ERG: variants seen among roughly 807,000 people sequenced by gnomAD.
ERG encodes ETS transcription factor ERG.
A neutral mutation model predicts 55.3 loss-of-function variants in ERG; 9 were observed. That is an observed-to-expected ratio of 0.16 (90% CI 0.10 to 0.28). ERG has a LOEUF of 0.28. Among genes scored for constraint, ERG ranks in the 10% least tolerant of loss-of-function variants. The pLI is 1.00. For synonymous variants in ERG, 223 were observed against 237.3 expected (o/e 0.94, Z 0.55); for missense variants, 434 against 631.6 (o/e 0.69, Z 3.35).
At chr21:38,626,477 C>A (rs1439972130) in intron 1 of ERG, among the ~76,000 whole-genome samples, 1 of 152,096 alleles carries the variant, frequency 6.6e-6, no homozygotes, top group Non-Finnish European at 1.5e-5. Flanking sequence ...AAATAAGGTG[C>A]CGACCACTTC....
chr21:38,555,350 T>C (rs1321281559), intron 2 of ERG, among the ~76,000 whole-genome samples: 1 of 151,762 alleles, frequency 6.6e-6, no homozygotes, highest in Non-Finnish European at 1.5e-5. Flanking sequence ...TAAGAAACTA[T>C]ATATTGAAAG....
intron 1 of ERG, among the ~76,000 whole-genome samples, chr21:38,466,552 A>G (rs1029613477): frequency 6.6e-6 from 1 of 151,976 alleles, no homozygotes; most frequent in African/African-American, 2.4e-5. Context: ...TGGAAGATAT[A>G]CTCCCAAAGT....
intron 2 of ERG, among the ~76,000 whole-genome samples, chr21:38,512,486 T>C (rs999990354): frequency 6.6e-6 from 1 of 152,174 alleles, no homozygotes; most frequent in African/African-American, 2.4e-5. Context: ...TCAGTAACAG[T>C]AAAATATGAA....
At chr21:38,476,536 A>G (rs2059189543) in intron 1 of ERG, among the ~76,000 whole-genome samples, 1 of 152,196 alleles carries the variant, frequency 6.6e-6, no homozygotes, top group South Asian at 2.1e-4. Context: ...CCATGCAAAA[A>G]TCAGTTGAAG....
intron 1 of ERG, among the ~76,000 whole-genome samples, chr21:38,605,259 G>T (rs2060189755): frequency 6.6e-6 from 1 of 152,108 alleles, no homozygotes; most frequent in Non-Finnish European, 1.5e-5. Flanking sequence ...TTGTCACGGG[G>T]TCACAAAAAT....
At chr21:38,558,819 G>A (rs2059874405) in intron 2 of ERG, among the ~76,000 whole-genome samples, 3 of 152,170 alleles carry the variant, frequency 2.0e-5, no homozygotes, top group Non-Finnish European at 4.4e-5. Context: ...CCACATTTAA[G>A]AGAAATGGAG....
chr21:38,606,598 A>G (rs941988362), intron 1 of ERG, among the ~76,000 whole-genome samples: 1 of 152,220 alleles, frequency 6.6e-6, no homozygotes, highest in Admixed American at 6.5e-5. Flanking sequence ...AAACAAAAGC[A>G]TCTATAAAGT....
intron 2 of ERG, among the ~76,000 whole-genome samples, chr21:38,559,394 T>TTTC (rs2146832407): frequency 6.8e-6 from 1 of 147,184 alleles, no homozygotes; most frequent in African/African-American, 2.5e-5. Context: ...TTTTTTTTTT[T>TTTC]TTTTTTTTTT....
intron 1 of ERG, among the ~76,000 whole-genome samples, chr21:38,456,447 T>A (rs879884285): frequency 9.2e-5 from 14 of 152,248 alleles, no homozygotes; most frequent in South Asian, 6.2e-4. Context: ...TAAAAAAATT[T>A]AAAAAATAAA....
chr21:38,371,436 G>A, the ERG span, among the ~76,000 whole-genome samples: 3 of 151,808 alleles, frequency 2.0e-5, no homozygotes, highest in Non-Finnish European at 2.9e-5. Flanking sequence ...TGAATAGTAA[G>A]CATCTTTTTC....
At chr21:38,374,899 T>C in the ERG span, among the ~76,000 whole-genome samples, 2 of 152,178 alleles carry the variant, frequency 1.3e-5, no homozygotes, top group Non-Finnish European at 2.9e-5. Context: ...CTCCTGAAGA[T>C]TGTTTTCTGA....
chr21:38,368,133 T>C, the ERG span, among the ~76,000 whole-genome samples: 1 of 152,176 alleles, frequency 6.6e-6, no homozygotes, highest in Non-Finnish European at 1.5e-5. Flanking sequence ...ATTGCCAGGC[T>C]CTTAAAAGAT....
chr21:38,390,866 T>C lies in ERG; in HGVS notation c.919+129A>G, dbSNP rs2049180730. 6 of 718,566 alleles carry C rather than the reference T, an allele frequency of 8.3e-6. No individual in the cohort carries two copies. The Admixed American group carries it at 1.1e-4, about 14-fold the overall frequency. 44.5% of individuals were successfully genotyped at this position (718,566 alleles called of 1,614,324 possible). A position where few individuals can be genotyped will look rare whatever the true frequency, so the allele number is the denominator to read the frequency against. On this transcript the variant is annotated intron_variant, in intron 9 of 9. Coordinates refer to ENST00000288319, the MANE Select transcript of ERG (RefSeq NM_182918.4). ...CAACCCATCTTTCCATTAAGGCAAA[T>C]AATTCAGTGAGACCTAAAACTAAAA...
At chr21:38,610,526 C>A (rs464473) in intron 1 of ERG, among the ~76,000 whole-genome samples, 1 of 150,384 alleles carries the variant, frequency 6.6e-6, no homozygotes, top group Non-Finnish European at 1.5e-5. Flanking sequence ...CGCGCACGCG[C>A]GTGTGTGTGT....
intron 1 of ERG, among the ~76,000 whole-genome samples, chr21:38,640,742 G>T (rs1462790722): frequency 6.6e-6 from 1 of 152,052 alleles, no homozygotes; most frequent in Non-Finnish European, 1.5e-5. Flanking sequence ...ATCTTTATCA[G>T]CGGTGTGAAA....
intron 2 of ERG, among the ~76,000 whole-genome samples, chr21:38,557,323 T>C (rs772879351): frequency 1.3e-5 from 2 of 152,218 alleles, no homozygotes; most frequent in Non-Finnish European, 2.9e-5. Context: ...TATTTCCATA[T>C]TGAATTTCAA....
intron 2 of ERG, among the ~76,000 whole-genome samples, chr21:38,526,798 G>T (rs964659979): frequency 6.6e-6 from 1 of 151,984 alleles, no homozygotes; most frequent in Non-Finnish European, 1.5e-5. Context: ...AAAATAAAAT[G>T]AATAAAATAC....
chr21:38,411,915 T>C (rs999887314), intron 3 of ERG, among the ~76,000 whole-genome samples: 1 of 152,254 alleles, frequency 6.6e-6, no homozygotes, highest in African/African-American at 2.4e-5. Context: ...ATATTTGTCA[T>C]GAATTTAGCC....
intron 2 of ERG, among the ~76,000 whole-genome samples, chr21:38,430,029 C>T (rs1168408478): frequency 2.0e-5 from 3 of 152,168 alleles, no homozygotes; most frequent in Non-Finnish European, 4.4e-5. Context: ...AGTTTACATT[C>T]CCATTGGCAG....
Sources: allele counts gnomAD v4.1 joint callset (sites outside exome capture counted in the v4.1 genomes callset), GRCh38; gene constraint gnomAD v4.1.1; transcripts MANE v1.5; gene names NCBI Gene and HGNC (gene_info 2026-07-23, HGNC 2026-07-21).